The following PBK variants were observed in gnomAD, a reference collection of about 807,000 sequenced individuals.
The protein encoded by PBK is PDZ binding kinase.
PBK carries 22 observed loss-of-function variants against 33.5 expected under a neutral mutation model. The observed-to-expected ratio is 0.66, with a 90% CI of 0.47 to 0.94. The LOEUF is 0.94. PBK is among the 40% of genes least tolerant of loss of function. PBK has a pLI of 0.00. For synonymous variants in PBK, 129 were observed against 123.8 expected (o/e 1.04, Z -0.28); for missense variants, 376 against 383.4 (o/e 0.98, Z 0.16).
chr8:27,830,566 A>G (rs79277406), intron 2 of PBK, among the ~76,000 whole-genome samples: 3,833 of 152,324 alleles, frequency 0.025, 80 homozygotes, highest in Non-Finnish European at 0.036. Context: ...CCAATACATC[A>G]TGCTGCCATG....
chr8:27,826,685 A>G (rs1806030089), intron 3 of PBK, among the ~76,000 whole-genome samples: 1 of 140,378 alleles, frequency 7.1e-6, no homozygotes, highest in African/African-American at 2.8e-5. Flanking sequence ...AGTCCCAGCT[A>G]CTCGGGAGGC....
At chr8:27,831,748 C>T (rs1270702610) in intron 2 of PBK, among the ~76,000 whole-genome samples, 1 of 152,046 alleles carries the variant, frequency 6.6e-6, no homozygotes, top group African/African-American at 2.4e-5. Context: ...AACTTCACAC[C>T]AGTACATTTG....
chr8:27,814,760 G>T (rs879715015), intron 6 of PBK, among the ~76,000 whole-genome samples: 3 of 151,952 alleles, frequency 2.0e-5, no homozygotes, highest in African/African-American at 7.2e-5. Flanking sequence ...TGACCCATAG[G>T]TTATTTAAAT....
Position 27,828,411 on chromosome 8 carries a change from T to C in PBK, c.59-213A>G, listed in dbSNP as rs561028261. Among the ~76,000 whole-genome samples, 3 of 152,252 alleles carry C rather than the reference T, an allele frequency of 2.0e-5. No homozygotes were observed. In the South Asian group the frequency reaches 6.2e-4, roughly 32 times the overall value. ...TAACTCTGAAGCAGAGATTGGGAAA[T>C]GGCCTGTTTTTGTATGGCCTACAAG... is the stretch of plus-strand genomic sequence containing the variant. On this transcript the variant is annotated intron_variant, in intron 2 of 7. Coordinates refer to ENST00000301905, the MANE Select transcript of PBK (RefSeq NM_018492.4).
At chr8:27,834,797 G>A (rs1055333979) in intron 1 of PBK, among the ~76,000 whole-genome samples, 2 of 151,972 alleles carry the variant, frequency 1.3e-5, no homozygotes, top group Non-Finnish European at 2.9e-5. Flanking sequence ...TCAGGAGGCT[G>A]AGGCAGAAGA....
At chr8:27,833,880 T>A (rs979588191) in intron 1 of PBK, among the ~76,000 whole-genome samples, 3 of 152,172 alleles carry the variant, frequency 2.0e-5, no homozygotes, top group African/African-American at 7.2e-5. Flanking sequence ...AGATGATGAA[T>A]GGATAAACAA....
chr8:27,835,552 GA>G (rs1354338278), intron 1 of PBK, among the ~76,000 whole-genome samples: 2 of 131,446 alleles, frequency 1.5e-5, no homozygotes, highest in African/African-American at 5.3e-5. Context: ...GATCTTCTAA[GA>G]TTTTTTTTTT....
intron 3 of PBK, 75 bp downstream of exon 3, chr8:27,828,030 G>T (rs2128964807): frequency 1.3e-6 from 1 of 743,130 alleles, no homozygotes; most frequent in Non-Finnish European, 2.4e-6. Flanking sequence ...GGAATTTTCA[G>T]ACTACTTCTT....
intron 2 of PBK, 44 bp downstream of exon 2, chr8:27,833,012 A>T (rs1238216738): frequency 8.8e-7 from 1 of 1,140,176 alleles, no homozygotes; most frequent in African/African-American, 1.6e-5. Context: ...TTTCTAAGAG[A>T]AACAACAATA....
chr8:27,816,907 G>T (rs1805826110), intron 6 of PBK, among the ~76,000 whole-genome samples: 1 of 151,838 alleles, frequency 6.6e-6, no homozygotes, highest in South Asian at 2.1e-4. Context: ...ACCCCTTATT[G>T]GTGGACATTC....
intron 6 of PBK, among the ~76,000 whole-genome samples, chr8:27,816,355 A>ATATTTATT (rs576580735): frequency 1.1e-4 from 16 of 140,942 alleles, no homozygotes; most frequent in African/African-American, 2.7e-4. Flanking sequence ...ATATATATAT[A>ATATTTATT]TATTTATTTA....
intron 6 of PBK, among the ~76,000 whole-genome samples, chr8:27,816,923 CATTGTTGCAT>C (rs1234074268): frequency 6.6e-6 from 1 of 152,050 alleles, no homozygotes; most frequent in East Asian, 1.9e-4. Flanking sequence ...CATTCTCACA[CATTGTTGCAT>C]AGTCTGTTCT....
chr8:27,818,142 G>T (rs1008398283), intron 6 of PBK, among the ~76,000 whole-genome samples: 15 of 152,144 alleles, frequency 9.9e-5, no homozygotes, highest in African/African-American at 3.6e-4. Flanking sequence ...ACAGAACAAG[G>T]TGCTAATGGC....
intron 6 of PBK, among the ~76,000 whole-genome samples, chr8:27,819,817 T>C (rs965585931): frequency 6.6e-6 from 1 of 152,148 alleles, no homozygotes; most frequent in African/African-American, 2.4e-5. Context: ...TTATTTAGCA[T>C]AAGGTTTCAC....
rs538066444 is a variant in PBK at position 27,828,098 on chromosome 8, T to C, written c.152+7A>G. The C allele has an allele frequency of 3.0e-6, 4 of 1,317,632 alleles. No homozygotes were observed. The highest frequency in any genetic ancestry group is 2.4e-5 in the South Asian group (2 of 83,996). The allele number at this position is 1,317,632 out of a possible 1,614,324, so 81.6% of individuals were successfully genotyped here. On this transcript the variant is annotated splice_region_variant and intron_variant, in intron 3 of 7. Coordinates refer to ENST00000301905, the MANE Select transcript of PBK (RefSeq NM_018492.4). ...GAAAAAAGGTTAATCTGAAATCTTA[T>C]ACTTACCTTTTCATTAGGTACACAT...
chr8:27,813,244 G>C (rs1805732038), intron 6 of PBK, among the ~76,000 whole-genome samples: 1 of 152,124 alleles, frequency 6.6e-6, no homozygotes, highest in African/African-American at 2.4e-5. Context: ...CACATGTCCT[G>C]ACTCATAGGT....
Position 27,836,708 on chromosome 8 carries a change from A to G in PBK, c.-21+944T>C, listed in dbSNP as rs192906414. 1.1e-3 allele frequency among the ~76,000 whole-genome samples: 174 copies of G among 152,226 alleles called. 4 individuals carry two copies. The highest frequency in any genetic ancestry group is 4.7e-4 in the Non-Finnish European group (32 of 68,010). ...CTCACTGCCTTTTCCCGCTCACTCT[A>G]CGGAGGATTTGATATTCAGAAGCAG... On this transcript the variant is annotated intron_variant, in intron 1 of 7. Transcript: ENST00000301905.
intron 6 of PBK, among the ~76,000 whole-genome samples, chr8:27,817,911 T>G (rs1420924461): frequency 6.6e-6 from 1 of 152,190 alleles, no homozygotes; most frequent in African/African-American, 2.4e-5. Context: ...TTGTCCAATG[T>G]GGTAACCATT....
intron 3 of PBK, among the ~76,000 whole-genome samples, chr8:27,826,248 CA>C (rs1806022288): frequency 6.6e-6 from 1 of 151,692 alleles, no homozygotes; most frequent in Non-Finnish European, 1.5e-5. Flanking sequence ...CCCAGAAAAC[CA>C]AAAAGGGCCA....
Sources: allele counts gnomAD v4.1 joint callset (sites outside exome capture counted in the v4.1 genomes callset), GRCh38; gene constraint gnomAD v4.1.1; transcripts MANE v1.5; gene names NCBI Gene and HGNC (gene_info 2026-07-23, HGNC 2026-07-21).